Variants in GRIN2B observed in about 807,000 individuals in gnomAD.
GRIN2B encodes the protein glutamate ionotropic receptor NMDA type subunit 2B, also known as glutamate receptor ionotropic, NMDA 2B.
In GRIN2B, 5 loss-of-function variants were observed where a neutral mutation model predicts 114.5. That is an observed-to-expected ratio of 0.04 (90% CI 0.02 to 0.09). The LOEUF (loss-of-function observed/expected upper bound fraction) is 0.09. Among genes scored for constraint, GRIN2B ranks in the 10% least tolerant of loss-of-function variants. GRIN2B has a pLI of 1.00. For synonymous variants in GRIN2B, 787 were observed against 745.1 expected (o/e 1.06, Z -0.92); for missense variants, 1,108 against 1,943.5 (o/e 0.57, Z 8.08).
chr12:13,969,677 C>T (rs932691973), intron 2 of GRIN2B, among the ~76,000 whole-genome samples: 1 of 152,144 alleles, frequency 6.6e-6, no homozygotes, highest in Non-Finnish European at 1.5e-5. Context: ...TACATAATTC[C>T]AGGACCTTCT....
intron 5 of GRIN2B, among the ~76,000 whole-genome samples, chr12:13,639,402 C>T (rs572632249): frequency 1.3e-5 from 2 of 152,130 alleles, no homozygotes; most frequent in East Asian, 3.9e-4. Context: ...CCAGATAAAT[C>T]CTGCAGTTTT....
At chr12:13,711,976 C>T (rs1950418764) in intron 4 of GRIN2B, among the ~76,000 whole-genome samples, 1 of 152,068 alleles carries the variant, frequency 6.6e-6, no homozygotes, top group Admixed American at 6.6e-5. Context: ...TTGGAACCAA[C>T]CCAAATGTCC....
At chr12:13,825,455 T>A (rs1244817138) in intron 3 of GRIN2B, among the ~76,000 whole-genome samples, 1 of 147,340 alleles carries the variant, frequency 6.8e-6, no homozygotes, top group East Asian at 2.0e-4. Flanking sequence ...CTGGTAGATT[T>A]TATATATATA....
At chr12:13,960,635 G>A (rs1471538369) in intron 2 of GRIN2B, among the ~76,000 whole-genome samples, 1 of 152,120 alleles carries the variant, frequency 6.6e-6, no homozygotes, top group Non-Finnish European at 1.5e-5. Flanking sequence ...GGGGCTGGGG[G>A]AAGACAATGA....
intron 2 of GRIN2B, among the ~76,000 whole-genome samples, chr12:13,924,755 C>A (rs761426064): frequency 6.6e-6 from 1 of 152,186 alleles, no homozygotes; most frequent in Non-Finnish European, 1.5e-5. Context: ...CACACCATGG[C>A]AACTTTTCAC....
At chr12:13,840,577 A>ACCAACGTGAGAGAAAGTGCTC (rs1865360515) in intron 3 of GRIN2B, among the ~76,000 whole-genome samples, 1 of 152,214 alleles carries the variant, frequency 6.6e-6, no homozygotes, top group Non-Finnish European at 1.5e-5. Flanking sequence ...AAACAAGATC[A>ACCAACGTGAGAGAAAGTGCTC]TTAATGTCAT....
chr12:13,958,122 G>T (rs185050929), intron 2 of GRIN2B, among the ~76,000 whole-genome samples: 19 of 152,188 alleles, frequency 1.2e-4, no homozygotes, highest in Non-Finnish European at 2.4e-4. Context: ...TTGCACCTTG[G>T]ATTAGGAATA....
chr12:13,623,804 A>G (rs1949541878), intron 5 of GRIN2B, among the ~76,000 whole-genome samples: 1 of 152,168 alleles, frequency 6.6e-6, no homozygotes, highest in Non-Finnish European at 1.5e-5. Flanking sequence ...AGAACATAAT[A>G]TTCTTCTTAA....
At chr12:13,677,737 G>A (rs1434797396) in intron 4 of GRIN2B, among the ~76,000 whole-genome samples, 1 of 151,858 alleles carries the variant, frequency 6.6e-6, no homozygotes, top group Non-Finnish European at 1.5e-5. Context: ...CTTACTTAAA[G>A]CTGAAACCTC....
At chr12:13,902,664 A>T (rs1866471166) in intron 2 of GRIN2B, among the ~76,000 whole-genome samples, 1 of 152,084 alleles carries the variant, frequency 6.6e-6, no homozygotes, top group Non-Finnish European at 1.5e-5. Flanking sequence ...TACAAAAATT[A>T]GCCAGGTGTG....
intron 10 of GRIN2B, among the ~76,000 whole-genome samples, chr12:13,580,168 C>G (rs1362688587): frequency 1.3e-5 from 2 of 152,170 alleles, no homozygotes; most frequent in Non-Finnish European, 2.9e-5. Context: ...CAGCTGTCAC[C>G]CAGTCCCAAG....
At chr12:13,914,658 C>T (rs928325832) in intron 2 of GRIN2B, among the ~76,000 whole-genome samples, 1 of 152,164 alleles carries the variant, frequency 6.6e-6, no homozygotes, top group Admixed American at 6.5e-5. Context: ...TAGTCAAAAT[C>T]TGGAATCAAC....
At chr12:13,832,142 C>T (rs1865160373) in intron 3 of GRIN2B, among the ~76,000 whole-genome samples, 1 of 152,100 alleles carries the variant, frequency 6.6e-6, no homozygotes, top group African/African-American at 2.4e-5. Flanking sequence ...AATTTAGCAA[C>T]TTTCTAAGAA....
chr12:13,895,638 G>T (rs1866339737), intron 2 of GRIN2B, among the ~76,000 whole-genome samples: 1 of 152,152 alleles, frequency 6.6e-6, no homozygotes, highest in African/African-American at 2.4e-5. Context: ...GAACTCTCCA[G>T]ATAATAAATA....
Position 13,546,637 on chromosome 12 carries a change from A to C in GRIN2B, c.*16146T>G, listed in dbSNP as rs373162472. The C allele has an allele frequency of 6.6e-6, 1 of 152,040 alleles. No individual in the cohort carries two copies. The highest frequency in any genetic ancestry group is 2.1e-4 in the South Asian group (1 of 4,814). 9.4% of individuals were successfully genotyped at this position (152,040 alleles called of 1,614,324 possible). A position where few individuals can be genotyped will look rare whatever the true frequency, so the allele number is the denominator to read the frequency against. On this transcript the variant is annotated 3_prime_UTR_variant, in exon 14 of 14. Transcript: ENST00000609686. ...TTTCCCATTCAACCTTCTGTTTCTC[A>C]TTCCAATAGACACACAATATTAATG...
intron 5 of GRIN2B, among the ~76,000 whole-genome samples, chr12:13,618,373 C>G (rs962142926): frequency 6.6e-6 from 1 of 152,152 alleles, no homozygotes; most frequent in Non-Finnish European, 1.5e-5. Context: ...TTGAGAAGCC[C>G]TAAAGTACTT....
At chr12:13,822,363 C>T (rs947007870) in intron 3 of GRIN2B, among the ~76,000 whole-genome samples, 3 of 152,234 alleles carry the variant, frequency 2.0e-5, no homozygotes, top group East Asian at 1.9e-4. Flanking sequence ...CATAATCAAT[C>T]GGGCACATTG....
intron 2 of GRIN2B, among the ~76,000 whole-genome samples, chr12:13,935,242 A>G (rs749258309): frequency 6.6e-6 from 1 of 152,218 alleles, no homozygotes; most frequent in South Asian, 2.1e-4. Context: ...AGCCCTCTGT[A>G]TCATACAAAT....
intron 4 of GRIN2B, among the ~76,000 whole-genome samples, chr12:13,704,684 C>T (rs1950343230): frequency 6.6e-6 from 1 of 152,148 alleles, no homozygotes; most frequent in South Asian, 2.1e-4. Flanking sequence ...GAGATTTCTT[C>T]TCCCCATGGC....
Sources: gnomAD v4.1 joint callset for allele counts (sites outside exome capture counted in the v4.1 genomes callset) on GRCh38, gnomAD v4.1.1 for gene constraint, MANE v1.5 for transcripts, NCBI Gene and HGNC (gene_info 2026-07-23, HGNC 2026-07-21) for gene names.